The following NTNG1 variants were observed in gnomAD, a reference collection of about 807,000 sequenced individuals.
NTNG1 encodes netrin-G1.
Under a neutral mutation model 54.0 loss-of-function variants are expected in NTNG1, and 16 were observed. That is an observed-to-expected ratio of 0.30 (90% CI 0.20 to 0.45). NTNG1 has a LOEUF of 0.45. NTNG1 is among the 20% of genes least tolerant of loss of function. The probability of loss-of-function intolerance (pLI) is 1.00; values close to 1 mark genes in which losing one functional copy is unlikely to be tolerated. For synonymous variants in NTNG1, 255 were observed against 263.1 expected, an observed-to-expected ratio of 0.97 and a Z score of 0.30; for missense variants, 530 against 678.7, an observed-to-expected ratio of 0.78 and a Z score of 2.43.
At chr1:107,439,375 A>G (rs1570964740) in intron 7 of NTNG1, among the ~76,000 whole-genome samples, 2 of 151,980 alleles carry the variant, frequency 1.3e-5, no homozygotes, top group African/African-American at 4.8e-5. Context: ...ATGTGGTTTC[A>G]TGAATCCCAA....
chr1:107,430,553 C>A (rs1017818240), intron 5 of NTNG1, 197 bp from the exon 6 acceptor site: 1 of 725,106 alleles, frequency 1.4e-6, no homozygotes, highest in African/African-American at 1.7e-5. Context: ...AATGTCCGAC[C>A]TTTCTATCCT....
chr1:107,204,103 A>C (rs1658984375), intron 2 of NTNG1, among the ~76,000 whole-genome samples: 1 of 151,926 alleles, frequency 6.6e-6, no homozygotes, highest in South Asian at 2.1e-4. Flanking sequence ...TTTATACTGA[A>C]GTTGTTACCA....
rs551678067 is a variant in NTNG1 at position 107,225,017 on chromosome 1, A to G, written c.246+76178A>G. ...TTATTAATTGTATAGTACCTAGCAT[A>G]TGTTAATAGTAAATGCTTACTAAAT... is the stretch of plus-strand genomic sequence containing the variant. On this transcript the variant is annotated intron_variant, in intron 2 of 7. Coordinates refer to ENST00000370068, the MANE Select transcript of NTNG1 (RefSeq NM_001113226.3). Among the ~76,000 whole-genome samples the G allele has an allele frequency of 6.6e-5, 10 of 152,300 alleles. No individual in the cohort carries two copies. The East Asian group carries it at 1.9e-3, about 29-fold the overall frequency.
chr1:107,270,808 C>A (rs1419956576), intron 2 of NTNG1, among the ~76,000 whole-genome samples: 1 of 145,070 alleles, frequency 6.9e-6, no homozygotes, highest in Non-Finnish European at 1.5e-5. Context: ...TTAAGTTTTT[C>A]ATTTATATTA....
intron 2 of NTNG1, among the ~76,000 whole-genome samples, chr1:107,277,531 T>A (rs184382476): frequency 2.6e-5 from 4 of 152,330 alleles, no homozygotes; most frequent in Admixed American, 1.3e-4. Flanking sequence ...TAGCTAATTC[T>A]GACATGATAG....
At chr1:107,246,736 A>T (rs1662228841) in intron 2 of NTNG1, among the ~76,000 whole-genome samples, 2 of 152,218 alleles carry the variant, frequency 1.3e-5, no homozygotes, top group South Asian at 4.1e-4. Flanking sequence ...AAATGTAAAT[A>T]TAATAGGAAA....
Position 107,480,752 on chromosome 1 carries a change from A to G in NTNG1, c.1532A>G (p.Asp511Gly). The G allele has an allele frequency of 6.2e-7, 1 of 1,607,576 alleles. No homozygotes were observed. Among genetic ancestry groups the G allele is most frequent in the South Asian group, 1.1e-5 (1 of 90,170 alleles). ...RCEEAGSCGS[D>G]SGQGAPPHGS... Reference sequence around the variant, plus strand: ...GAGGAGGCTGGCAGCTGCGGCTCCGACTCTGGCCAGGGCGCGCCCCCGCAC... The same window carrying G: ...GAGGAGGCTGGCAGCTGCGGCTCCGGCTCTGGCCAGGGCGCGCCCCCGCAC... Residue 511 changes from aspartate (D) to glycine (G), a missense_variant, in exon 8 of 8, where the codon GAC (aspartate) becomes GGC (glycine). By Grantham distance (94) the Asp-to-Gly change is moderately conservative. Around this residue, in one of 2 missense-constraint regions of NTNG1, gnomAD observed 212 missense variants for 213.6 expected, o/e 0.99. Coordinates refer to ENST00000370068, the MANE Select transcript of NTNG1 (RefSeq NM_001113226.3).
chr1:107,175,650 T>G (rs1656591625), intron 2 of NTNG1, among the ~76,000 whole-genome samples: 1 of 152,040 alleles, frequency 6.6e-6, no homozygotes, highest in Non-Finnish European at 1.5e-5. Context: ...AAGACAGATG[T>G]CTTATATGAA....
chr1:107,294,924 G>C (rs1018539376), intron 2 of NTNG1, among the ~76,000 whole-genome samples: 2 of 152,190 alleles, frequency 1.3e-5, no homozygotes, highest in African/African-American at 4.8e-5. Flanking sequence ...AGTCAGAAGT[G>C]TTTTCATCCA....
chr1:107,365,412 C>T (rs777501419), intron 3 of NTNG1, among the ~76,000 whole-genome samples: 2 of 152,100 alleles, frequency 1.3e-5, no homozygotes, highest in Non-Finnish European at 2.9e-5. Flanking sequence ...TTTCTTGGCA[C>T]TCCAGGGCCC....
At chr1:107,275,211 T>G (rs942119839) in intron 2 of NTNG1, among the ~76,000 whole-genome samples, 1 of 152,034 alleles carries the variant, frequency 6.6e-6, no homozygotes, top group Non-Finnish European at 1.5e-5. Flanking sequence ...ACCCTGTCTC[T>G]ACTAAAAATA....
Position 107,457,770 on chromosome 1 carries a change from T to A in NTNG1, c.1390+20971T>A, listed in dbSNP as rs1307937015. On this transcript the variant is annotated intron_variant, in intron 7 of 7. Coordinates refer to ENST00000370068, the MANE Select transcript of NTNG1 (RefSeq NM_001113226.3). ...GACTTATGAGTTTGTAGTGTGGGGA[T>A]GTGTTTGCCTCCTAATGTATTAGAA... is the stretch of plus-strand genomic sequence containing the variant. Among the ~76,000 whole-genome samples, 6 of 152,168 alleles carry A rather than the reference T, an allele frequency of 3.9e-5. No homozygotes were observed. In the East Asian group the frequency reaches 1.2e-3, roughly 29 times the overall value.
intron 2 of NTNG1, among the ~76,000 whole-genome samples, chr1:107,220,900 G>A (rs538959453): frequency 3.9e-4 from 59 of 152,104 alleles, no homozygotes; most frequent in African/African-American, 1.3e-3. Flanking sequence ...GGCAATTTAT[G>A]TTACCATTTT....
intron 5 of NTNG1, among the ~76,000 whole-genome samples, chr1:107,414,133 C>G (rs1056276353): frequency 1.3e-5 from 2 of 152,252 alleles, no homozygotes; most frequent in Non-Finnish European, 2.9e-5. Context: ...TGCTTTGCAG[C>G]TTGACTCACT....
At chr1:107,303,810 C>T (rs150143864) in intron 2 of NTNG1, among the ~76,000 whole-genome samples, 2,356 of 152,152 alleles carry the variant, frequency 0.015, 59 homozygotes, top group African/African-American at 0.053. Flanking sequence ...CCTCAGTCTC[C>T]GGAGTAGCTG....
intron 2 of NTNG1, among the ~76,000 whole-genome samples, chr1:107,292,515 C>T (rs1665678432): frequency 6.6e-6 from 1 of 152,086 alleles, no homozygotes; most frequent in South Asian, 2.1e-4. Flanking sequence ...TTGGTCACTG[C>T]CAGCACCAGG....
At chr1:107,441,823 G>A (rs620325) in intron 7 of NTNG1, among the ~76,000 whole-genome samples, 71,840 of 151,882 alleles carry the variant, frequency 0.47, 17,545 homozygotes, top group Non-Finnish European at 0.53. Flanking sequence ...AACTCATGCT[G>A]GGGAAAAAGA....
chr1:107,389,408 T>C (rs886778708), intron 3 of NTNG1, among the ~76,000 whole-genome samples: 1 of 147,254 alleles, frequency 6.8e-6, no homozygotes, highest in Non-Finnish European at 1.5e-5. Flanking sequence ...CCAGAATAGA[T>C]ATATTAAGTT....
intron 7 of NTNG1, among the ~76,000 whole-genome samples, chr1:107,438,951 A>G (rs1238049946): frequency 6.6e-6 from 1 of 152,086 alleles, no homozygotes; most frequent in African/African-American, 2.4e-5. Flanking sequence ...GAGGACATGC[A>G]TTTATTCTTT....
Sources: gnomAD v4.1 joint callset for allele counts (sites outside exome capture counted in the v4.1 genomes callset) on GRCh38, gnomAD v4.1.1 for gene constraint, gnomAD v4.1.1 regional missense constraint, MANE v1.5 for transcripts, NCBI Gene and HGNC (gene_info 2026-07-23, HGNC 2026-07-21) for gene names.